Variants in EYA4 observed in about 807,000 individuals in gnomAD.
EYA4 encodes protein phosphatase EYA4.
Under a neutral mutation model 87.9 loss-of-function variants are expected in EYA4, and 31 were observed. The ratio of observed to expected loss-of-function variants is 0.35; its 90% CI spans 0.27 to 0.48. The LOEUF is 0.48. EYA4 is among the 20% of genes least tolerant of loss of function. EYA4 has a pLI of 0.99. For synonymous variants in EYA4, 263 were observed against 270.6 expected (o/e 0.97, Z 0.28); for missense variants, 678 against 761.4 (o/e 0.89, Z 1.29).
chr6:133,299,744 TAAA>T (rs1274967652), intron 2 of EYA4, among the ~76,000 whole-genome samples: 3 of 148,560 alleles, frequency 2.0e-5, no homozygotes, highest in African/African-American at 7.5e-5. Context: ...TAAAATAAAA[TAAA>T]ATAAAATAAA....
chr6:133,410,629 G>GTTTTTTTTTTTTTTTTTTTTTTTT (rs1554252058), intron 3 of EYA4, among the ~76,000 whole-genome samples: 18 of 148,350 alleles, frequency 1.2e-4, no homozygotes, highest in Non-Finnish European at 2.7e-4. Flanking sequence ...TAGAACTAAG[G>GTTTTTTTTTTTTTTTTTTTTTTTT]TCTTAATTCC....
chr6:133,453,549 T>A (rs1238296712), intron 5 of EYA4: 1 of 152,058 alleles, frequency 6.6e-6, no homozygotes, highest in Admixed American at 6.6e-5. Flanking sequence ...TGTTTATTAT[T>A]ACCTAATATT....
intron 2 of EYA4, among the ~76,000 whole-genome samples, chr6:133,351,992 A>G (rs541142660): frequency 2.0e-5 from 3 of 150,590 alleles, no homozygotes; most frequent in East Asian, 3.9e-4. Flanking sequence ...AAAGAAAAAA[A>G]AAAAAACAGG....
At chr6:133,501,078 T>C (rs148566584) in intron 13 of EYA4, among the ~76,000 whole-genome samples, 1 of 152,108 alleles carries the variant, frequency 6.6e-6, no homozygotes, top group Non-Finnish European at 1.5e-5. Context: ...GCTCTGTGTA[T>C]GTTCGCTACT....
At chr6:133,468,854 G>C (rs1441154307) in intron 11 of EYA4, 123 bp downstream of exon 11, 3 of 975,356 alleles carry the variant, frequency 3.1e-6, no homozygotes, top group Non-Finnish European at 3.2e-6. Context: ...TGTTTAATCT[G>C]TGTTAGCATG....
rs1200600677 is a variant in EYA4 at position 133,400,520 on chromosome 6, GA to G, written c.83+18089del. On this transcript the variant is annotated intron_variant, in intron 3 of 19. Transcript: ENST00000355286. ...AAGACTCTGTCTTGAAAAAAAAAAA[GA>G]AAAAAAAAATTATATGCTTATATTG... 1.8e-3 allele frequency among the ~76,000 whole-genome samples: 267 copies of G among 145,990 alleles called. 1 individual carries two copies. Among genetic ancestry groups the G allele is most frequent in the African/African-American group, 4.2e-3 (167 of 39,564 alleles).
At chr6:133,457,469 A>G (rs1168956099) in intron 6 of EYA4, among the ~76,000 whole-genome samples, 1 of 152,100 alleles carries the variant, frequency 6.6e-6, no homozygotes, top group African/African-American at 2.4e-5. Context: ...ACATTTATCC[A>G]TGTGCTCATG....
At chr6:133,498,478 G>A (rs945054450) in intron 13 of EYA4, among the ~76,000 whole-genome samples, 16 of 152,154 alleles carry the variant, frequency 1.1e-4, no homozygotes, top group African/African-American at 3.6e-4. Context: ...TAGTTTCAAG[G>A]AAATCTGGAA....
intron 16 of EYA4, among the ~76,000 whole-genome samples, chr6:133,513,517 A>T (rs6911415): frequency 0.23 from 35,006 of 152,180 alleles, 5,398 homozygotes; most frequent in African/African-American, 0.43. Context: ...TTTATCTTTT[A>T]AAAAAATCAT....
intron 2 of EYA4, among the ~76,000 whole-genome samples, chr6:133,297,094 A>C (rs557914795): frequency 6.6e-6 from 1 of 152,224 alleles, no homozygotes; most frequent in African/African-American, 2.4e-5. Context: ...ATTTTCCTCA[A>C]TATGTAATGC....
chr6:133,309,876 G>A (rs1482599255), intron 2 of EYA4, among the ~76,000 whole-genome samples: 1 of 152,176 alleles, frequency 6.6e-6, no homozygotes, highest in African/African-American at 2.4e-5. Context: ...CTGTCCTGAC[G>A]AAGAAGGTAG....
rs1008823162 is a variant in EYA4 at position 133,308,384 on chromosome 6, T to TA, written c.33+33579dup. 1.1e-4 allele frequency among the ~76,000 whole-genome samples: 17 copies of TA among 152,074 alleles called. No individual in the cohort carries two copies. The South Asian group carries it at 2.9e-3, about 26-fold the overall frequency. ...GACTTCTAATTCCAAATTCAGTAATTAAAAAAAACTTCAACTTTTATTTTA... is the reference window on the plus strand; with the variant it reads ...GACTTCTAATTCCAAATTCAGTAATTAAAAAAAAACTTCAACTTTTATTTTA... On this transcript the variant is annotated intron_variant, in intron 2 of 19. Transcript: ENST00000355286.
chr6:133,492,642 A>C (rs1283498962), intron 13 of EYA4, among the ~76,000 whole-genome samples: 1 of 152,236 alleles, frequency 6.6e-6, no homozygotes, highest in Non-Finnish European at 1.5e-5. Context: ...ATGGCATCCA[A>C]TTTGGAAAGG....
At chr6:133,411,045 G>A (rs1192004622) in intron 3 of EYA4, among the ~76,000 whole-genome samples, 2 of 151,714 alleles carry the variant, frequency 1.3e-5, no homozygotes, top group Non-Finnish European at 1.5e-5. Context: ...GACAGAGGGG[G>A]CTATGTGCTT....
chr6:133,351,051 C>T (rs1783602182), intron 2 of EYA4, among the ~76,000 whole-genome samples: 1 of 150,986 alleles, frequency 6.6e-6, no homozygotes, highest in Non-Finnish European at 1.5e-5. Context: ...TGGCTGTTGA[C>T]TGTCTGGGTT....
intron 13 of EYA4, among the ~76,000 whole-genome samples, chr6:133,491,109 G>A (rs1056213455): frequency 2.0e-5 from 3 of 151,974 alleles, no homozygotes; most frequent in Non-Finnish European, 2.9e-5. Flanking sequence ...AATGACCAAT[G>A]GGTCAATGAA....
chr6:133,432,307 G>C (rs75873667), intron 3 of EYA4, among the ~76,000 whole-genome samples: 6 of 152,122 alleles, frequency 3.9e-5, no homozygotes, highest in African/African-American at 1.2e-4. Context: ...AAGGAGATTG[G>C]CCATAACTTC....
rs374794196 is a variant in EYA4, at chr6:133,363,767, G to A, written c.34-18625G>A. On this transcript the variant is annotated intron_variant, in intron 2 of 19. Transcript: ENST00000355286. ...TGGGATTACAGGCGTGACCCACCGC[G>A]CCCGGCGAGACCTTGTAACTCTTGA... Among the ~76,000 whole-genome samples, 36 of 152,262 alleles carry A rather than the reference G, an allele frequency of 2.4e-4. No individual in the cohort carries two copies. The South Asian group carries it at 4.8e-3, about 20-fold the overall frequency.
At chr6:133,330,549 TTATATA>T (rs1284047392) in intron 2 of EYA4, among the ~76,000 whole-genome samples, 2 of 134,816 alleles carry the variant, frequency 1.5e-5, no homozygotes, top group Middle Eastern at 7.2e-3. Flanking sequence ...ATACTGAGAT[TTATATA>T]TATATATATA....
Sources: allele counts gnomAD v4.1 joint callset (sites outside exome capture counted in the v4.1 genomes callset), GRCh38; gene constraint gnomAD v4.1.1; transcripts MANE v1.5; gene names NCBI Gene and HGNC (gene_info 2026-07-23, HGNC 2026-07-21).